Variants in PTPN2 observed in about 807,000 individuals in gnomAD.
The protein encoded by PTPN2 is tyrosine-protein phosphatase non-receptor type 2.
A neutral mutation model predicts 57.3 loss-of-function variants in PTPN2; 19 were observed. That is an observed-to-expected ratio of 0.33 (90% CI 0.23 to 0.49). The LOEUF (loss-of-function observed/expected upper bound fraction) is 0.49, where lower values mean the gene tolerates loss of function less well. Ranked by LOEUF, PTPN2 falls within the 20% of genes least tolerant of loss-of-function variation. The pLI, the probability that PTPN2 is intolerant of heterozygous loss-of-function variation, is 0.99. For synonymous variants in PTPN2, 153 were observed against 164.9 expected (o/e 0.93, Z 0.55); for missense variants, 358 against 501.1 (o/e 0.71, Z 2.73).
At chr18:12,804,433 CA>C (rs35298218) in intron 7 of PTPN2, among the ~76,000 whole-genome samples, 91,990 of 149,046 alleles carry the variant, frequency 0.62, 28,944 homozygotes, top group South Asian at 0.72. Context: ...ATAAAGTGAC[CA>C]AAAAAAAGAA....
intron 3 of PTPN2, among the ~76,000 whole-genome samples, chr18:12,835,382 C>CTTTTTTTT (rs60239177): frequency 0.052 from 5,129 of 98,844 alleles, 545 homozygotes; most frequent in African/African-American, 0.11. Flanking sequence ...TCACATATGT[C>CTTTTTTTT]TTTTTTTTTT....
At chr18:12,831,177 T>C (rs747153562) in intron 3 of PTPN2, 136 bp from the exon 4 acceptor site, 13 of 539,718 alleles carry the variant, frequency 2.4e-5, no homozygotes, top group African/African-American at 2.1e-4. Flanking sequence ...AAACCAAGAC[T>C]TCCAATCTAC....
In PTPN2 at chr18:12,823,854, T is replaced by C. The variant is rs2145344024; in HGVS notation, c.495+1956A>G. Among the ~76,000 whole-genome samples, 2 of 152,344 alleles carry C rather than the reference T, an allele frequency of 1.3e-5. 1 individual carries two copies. Among genetic ancestry groups the C allele is most frequent in the Middle Eastern group, 6.8e-3 (2 of 294 alleles). ...ACTGAAGACTACTGGTCAGATGATA[T>C]ATATGTGAAAGCATTTTGGAATCTG... is the stretch of plus-strand genomic sequence containing the variant. On this transcript the variant is annotated intron_variant, in intron 5 of 8. Coordinates refer to ENST00000309660, the MANE Select transcript of PTPN2 (RefSeq NM_002828.4).
rs114487778 is a variant in PTPN2, at chr18:12,799,459, A to G, written c.1040+2511T>C. Reference sequence around the variant, plus strand: ...AAAAAAGAAACTTGAAATTCTTTTGATAAGACTTTTATGAGGATCTTTAAT... The same window carrying G: ...AAAAAAGAAACTTGAAATTCTTTTGGTAAGACTTTTATGAGGATCTTTAAT... On this transcript the variant is annotated intron_variant, in intron 8 of 8. Coordinates refer to ENST00000309660, the MANE Select transcript of PTPN2 (RefSeq NM_002828.4). Among the ~76,000 whole-genome samples, 934 of 152,170 alleles carry G rather than the reference A, an allele frequency of 6.1e-3. 10 individuals carry two copies. Among genetic ancestry groups the G allele is most frequent in the African/African-American group, 0.02 (839 of 41,532 alleles).
intron 1 of PTPN2, among the ~76,000 whole-genome samples, chr18:12,870,797 C>T (rs1360007586): frequency 6.6e-6 from 1 of 151,932 alleles, no homozygotes; most frequent in Non-Finnish European, 1.5e-5. Context: ...GAGTGAGCCA[C>T]CGCGCCCGGC....
In PTPN2 at chr18:12,802,018, G is replaced by A. The variant is rs781301782; in HGVS notation, c.992C>T (p.Thr331Ile). 12 of 1,611,964 alleles carry A rather than the reference G, an allele frequency of 7.4e-6. No individual in the cohort carries two copies. Among genetic ancestry groups the A allele is most frequent in the African/African-American group, 2.7e-5 (2 of 74,838 alleles). ...ATCTTGCATTTTAGAGGAAAGTCCT[G>A]TACATCGGTCACCTGTCAGTTTTTC... The part of the protein sequence containing the change: ...EEEKLTGDRC[T>I]GLSSKMQDTM... The change falls in exon 8 of 9, where the codon ACA (threonine) becomes ATA (isoleucine). Residue 331 changes from threonine to isoleucine, a missense_variant. Physicochemically the swap from Thr to Ile is moderately conservative, Grantham distance 89. Transcript: ENST00000309660.
At chr18:12,797,736 G>C (rs2041246749) in intron 8 of PTPN2, among the ~76,000 whole-genome samples, 1 of 152,124 alleles carries the variant, frequency 6.6e-6, no homozygotes, top group Admixed American at 6.6e-5. Context: ...ATGCAATTTA[G>C]GATATTAACC....
At position 12,830,962 on chromosome 18, in the gene PTPN2, C is replaced by T. The variant is rs145657672; in HGVS notation, c.341G>A (p.Arg114His). 23 of 1,600,946 alleles carry T rather than the reference C, an allele frequency of 1.4e-5. No homozygotes were observed. Among genetic ancestry groups the T allele is most frequent in the South Asian group, 3.3e-5 (3 of 90,772 alleles). The stretch of plus-strand genomic sequence containing the variant: ...ACTCACCGATTCTTTCTCCACAATG[C>T]GGTTCAGCATGACAACTGCTTTGGT... ...QKTKAVVMLN[R>H]IVEKESVKCA... Residue 114 changes from arginine (R) to histidine (H), a missense_variant, in exon 4 of 9, where the codon CGC becomes CAC. Arg to His is a conservative substitution (Grantham distance 29). This residue lies in a region of PTPN2 where 193 missense variants were observed against 315.4 expected (regional missense o/e 0.61). Transcript: ENST00000309660.
intron 7 of PTPN2, among the ~76,000 whole-genome samples, chr18:12,807,585 AAATAT>A (rs1374363082): frequency 2.5e-5 from 2 of 79,420 alleles, no homozygotes; most frequent in African/African-American, 7.6e-5. Context: ...AAAAAAAAAA[AAATAT>A]ATATATATAT....
In PTPN2 at chr18:12,792,817, C is replaced by G; in HGVS notation, c.*1461G>C. The G allele has an allele frequency of 2.7e-6, 2 of 733,134 alleles. No homozygotes were observed. Among genetic ancestry groups the G allele is most frequent in the Non-Finnish European group, 3.3e-6 (2 of 599,902 alleles). 45.4% of individuals were successfully genotyped at this position (733,134 alleles called of 1,614,324 possible). On this transcript the variant is annotated 3_prime_UTR_variant, in exon 9 of 9. Transcript: ENST00000309660. The stretch of plus-strand genomic sequence containing the variant: ...CGTTGGCCAGGCTGGTCTTGAACTC[C>G]TGACCTCAGGTGATCTGCCCACTTC...
At chr18:12,800,222 G>C (rs1458261709) in intron 8 of PTPN2, among the ~76,000 whole-genome samples, 3 of 152,082 alleles carry the variant, frequency 2.0e-5, no homozygotes, top group Non-Finnish European at 2.9e-5. Context: ...AAGCTTGTAT[G>C]AGTGATTTAA....
In PTPN2 at chr18:12,794,060, T is replaced by C. The variant is rs1344804563; in HGVS notation, c.*218A>G. 1 of 1,410,174 alleles carries C rather than the reference T, an allele frequency of 7.1e-7. No individual in the cohort carries two copies. The highest frequency in any genetic ancestry group is 2.6e-5 in the East Asian group (1 of 39,024). 87.4% of individuals were successfully genotyped at this position (1,410,174 alleles called of 1,614,324 possible). A position where few individuals can be genotyped will look rare whatever the true frequency, so the allele number is the denominator to read the frequency against. The stretch of plus-strand genomic sequence containing the variant: ...CCAGTTTTTAACAAACATGAATGTC[T>C]TTATTTTAGACAGCCATTTACAGTT... On this transcript the variant is annotated 3_prime_UTR_variant, in exon 9 of 9. Coordinates refer to ENST00000309660, the MANE Select transcript of PTPN2 (RefSeq NM_002828.4).
chr18:12,837,873 T>A (rs915937127), intron 2 of PTPN2, among the ~76,000 whole-genome samples: 22 of 152,240 alleles, frequency 1.4e-4, no homozygotes, highest in African/African-American at 1.4e-4. Flanking sequence ...TCTGCTGGAC[T>A]GAACCCAAGA....
chr18:12,826,615 C>A (rs970074289), intron 4 of PTPN2, among the ~76,000 whole-genome samples: 1 of 152,124 alleles, frequency 6.6e-6, no homozygotes, highest in African/African-American at 2.4e-5. Context: ...GTCGCCCAGG[C>A]TGGAATGCAG....
chr18:12,882,819 G>GA, intron 1 of PTPN2, among the ~76,000 whole-genome samples: 1 of 152,142 alleles, frequency 6.6e-6, no homozygotes, highest in African/African-American at 2.4e-5. Context: ...ATGGAAAGGG[G>GA]AAAAACCCAG....
chr18:12,883,748 C>A (rs1220158714), intron 1 of PTPN2: 3 of 240,442 alleles, frequency 1.2e-5, no homozygotes, highest in South Asian at 1.2e-4. Flanking sequence ...TCCCAAGGAC[C>A]CCCAGACCCG....
intron 7 of PTPN2, among the ~76,000 whole-genome samples, chr18:12,807,996 C>T (rs576748994): frequency 6.6e-6 from 1 of 152,118 alleles, no homozygotes; most frequent in African/African-American, 2.4e-5. Flanking sequence ...TCAGCCTGGG[C>T]AACATGGTGA....
chr18:12,872,350 G>T (rs146197056), intron 1 of PTPN2: 3 of 152,194 alleles, frequency 2.0e-5, no homozygotes, highest in Non-Finnish European at 4.4e-5. Flanking sequence ...TTCAGTATCA[G>T]ATTTTCCTTA....
chr18:12,868,737 A>G (rs913756755), intron 1 of PTPN2, among the ~76,000 whole-genome samples: 3 of 149,852 alleles, frequency 2.0e-5, no homozygotes, highest in Non-Finnish European at 4.5e-5. Context: ...GATTGAGACC[A>G]GGTGATCTGC....
Sources: allele counts gnomAD v4.1 joint callset (sites outside exome capture counted in the v4.1 genomes callset), GRCh38; gene constraint gnomAD v4.1.1; regional missense constraint gnomAD v4.1.1; transcripts MANE v1.5; gene names NCBI Gene and HGNC (gene_info 2026-07-23, HGNC 2026-07-21).